APBB2: variants seen among roughly 807,000 people sequenced by gnomAD.
APBB2 encodes the protein Fe65-like 1.
APBB2 carries 38 observed loss-of-function variants against 82.5 expected under a neutral mutation model. The ratio of observed to expected loss-of-function variants is 0.46; its 90% CI spans 0.36 to 0.60. APBB2 has a LOEUF of 0.60. Ranked by LOEUF, APBB2 falls within the 20% of genes least tolerant of loss-of-function variation. The pLI is 0.00. For synonymous variants in APBB2, 341 were observed against 368.2 expected, an observed-to-expected ratio of 0.93 and a Z score of 0.85; for missense variants, 772 against 972.3, an observed-to-expected ratio of 0.79 and a Z score of 2.74.
chr4:40,975,759 C>T (rs904091438), intron 6 of APBB2, among the ~76,000 whole-genome samples: 1 of 148,252 alleles, frequency 6.7e-6, no homozygotes, highest in South Asian at 2.1e-4. Flanking sequence ...AGAAAACACA[C>T]ACACACACAC....
chr4:40,823,219 G>A (rs1426662178), intron 16 of APBB2, among the ~76,000 whole-genome samples: 1 of 152,204 alleles, frequency 6.6e-6, no homozygotes. Flanking sequence ...TTTGGGCTGA[G>A]GCTAATGTGG....
chr4:41,174,199 T>C (rs1029866067), intron 1 of APBB2, among the ~76,000 whole-genome samples: 2 of 152,190 alleles, frequency 1.3e-5, no homozygotes, highest in African/African-American at 4.8e-5. Context: ...AATCAACTAC[T>C]GAGATTTCTT....
chr4:41,114,500 A>T (rs1320259503), intron 2 of APBB2, among the ~76,000 whole-genome samples: 3 of 152,156 alleles, frequency 2.0e-5, no homozygotes, highest in Admixed American at 2.0e-4. Context: ...AGAAATAAAC[A>T]GTATTCAAAT....
chr4:40,991,672 C>T (rs1802132269), intron 6 of APBB2, among the ~76,000 whole-genome samples: 1 of 151,968 alleles, frequency 6.6e-6, no homozygotes, highest in Admixed American at 6.6e-5. Flanking sequence ...ACACACACAC[C>T]CTAGACTTTT....
At chr4:40,933,499 C>T (rs1338954697) in intron 10 of APBB2, among the ~76,000 whole-genome samples, 1 of 152,168 alleles carries the variant, frequency 6.6e-6, no homozygotes, top group Admixed American at 6.5e-5. Context: ...CCCACTGAGT[C>T]GCCTGTGGAA....
chr4:40,935,520 G>C (rs935574111), intron 7 of APBB2: 2 of 165,906 alleles, frequency 1.2e-5, no homozygotes, highest in East Asian at 3.5e-4. Context: ...CTGTTTTCTG[G>C]TGGTGGGGGT....
intron 3 of APBB2, 103 bp from the exon 4 acceptor site, chr4:41,065,776 A>C (rs1006847596): frequency 6.7e-6 from 1 of 149,920 alleles, no homozygotes; most frequent in Non-Finnish European, 1.5e-5. Context: ...TGATGACCAC[A>C]TATTTCCAGA....
chr4:40,934,539 G>A (rs765381950), intron 9 of APBB2, 23 bp from the exon 10 acceptor site: 5 of 1,613,606 alleles, frequency 3.1e-6, no homozygotes, highest in South Asian at 1.1e-5. Flanking sequence ...ACAGAAAAGT[G>A]GACTTAGAAT....
intron 4 of APBB2, among the ~76,000 whole-genome samples, chr4:41,049,689 A>G (rs1293521792): frequency 6.6e-6 from 1 of 152,202 alleles, no homozygotes; most frequent in African/African-American, 2.4e-5. Flanking sequence ...TGTCTAATAG[A>G]AAAGGGGGAA....
intron 1 of APBB2, among the ~76,000 whole-genome samples, chr4:41,164,062 G>A (rs1249413254): frequency 1.3e-5 from 2 of 152,166 alleles, no homozygotes; most frequent in African/African-American, 4.8e-5. Flanking sequence ...TTTGTATTTG[G>A]AAATATCTGC....
At chr4:40,866,044 G>A (rs1470079761) in intron 12 of APBB2, among the ~76,000 whole-genome samples, 1 of 152,182 alleles carries the variant, frequency 6.6e-6, no homozygotes, top group East Asian at 1.9e-4. Context: ...AAAGCGGGCT[G>A]GCAGTTTCTC....
chr4:40,891,365 T>A (rs1056386623), intron 11 of APBB2, among the ~76,000 whole-genome samples: 2 of 152,138 alleles, frequency 1.3e-5, no homozygotes, highest in Non-Finnish European at 2.9e-5. Flanking sequence ...TAGGACATCA[T>A]TAAACATCTG....
At chr4:41,023,795 C>A (rs1337458914) in intron 5 of APBB2, among the ~76,000 whole-genome samples, 1 of 152,178 alleles carries the variant, frequency 6.6e-6, no homozygotes, top group African/African-American at 2.4e-5. Flanking sequence ...TCCTATCAAA[C>A]TATCGACATT....
intron 6 of APBB2, among the ~76,000 whole-genome samples, chr4:40,959,630 G>A (rs891459229): frequency 5.3e-5 from 8 of 152,082 alleles, no homozygotes; most frequent in Admixed American, 2.6e-4. Flanking sequence ...TGACAATTTG[G>A]CCTTTTATCA....
intron 12 of APBB2, among the ~76,000 whole-genome samples, chr4:40,845,591 A>C (rs1271009233): frequency 2.3e-5 from 2 of 86,428 alleles, no homozygotes; most frequent in Admixed American, 1.1e-4. Flanking sequence ...AATTCCTCAA[A>C]AAAAAAAAAA....
chr4:41,214,118 G>C (rs562551201), intron 1 of APBB2, among the ~76,000 whole-genome samples: 1 of 152,224 alleles, frequency 6.6e-6, no homozygotes, highest in Non-Finnish European at 1.5e-5. Flanking sequence ...AAGTCAAGGA[G>C]AGTGAGCCCG....
chr4:40,910,462 C>G (rs1578369538), intron 10 of APBB2, among the ~76,000 whole-genome samples: 2 of 152,234 alleles, frequency 1.3e-5, no homozygotes, highest in Non-Finnish European at 2.9e-5. Flanking sequence ...TGGTCTTCAA[C>G]TCCTGGGCTC....
chr4:40,995,637 G>T (rs1172538757), intron 6 of APBB2, among the ~76,000 whole-genome samples: 1 of 150,682 alleles, frequency 6.6e-6, no homozygotes. Flanking sequence ...TCGACTTCCT[G>T]AGTTAAATCC....
intron 2 of APBB2, among the ~76,000 whole-genome samples, chr4:41,119,335 C>T (rs1365315864): frequency 2.6e-5 from 4 of 151,984 alleles, no homozygotes; most frequent in East Asian, 1.9e-4. Flanking sequence ...ATGTGTGGCA[C>T]GTGTTTTTTA....
Sources: gnomAD v4.1 joint callset for allele counts (sites outside exome capture counted in the v4.1 genomes callset) on GRCh38, gnomAD v4.1.1 for gene constraint, MANE v1.5 for transcripts, NCBI Gene and HGNC (gene_info 2026-07-23, HGNC 2026-07-21) for gene names.